The following CSNK2A2IP variants were observed in gnomAD, a reference collection of about 807,000 sequenced individuals.
The protein encoded by CSNK2A2IP is casein kinase 2 subunit alpha' interacting protein.
At chr3:88,411,736 T>A in the CSNK2A2IP span, among the ~76,000 whole-genome samples, 4 of 151,870 alleles carry the variant, frequency 2.6e-5, no homozygotes, top group African/African-American at 9.7e-5. Context: ...ATACTGCTGA[T>A]GAAAATTTAG....
chr3:88,384,437 G>A, the CSNK2A2IP span, among the ~76,000 whole-genome samples: 14 of 152,074 alleles, frequency 9.2e-5, no homozygotes, highest in African/African-American at 3.1e-4. Context: ...TGCCAGCCAT[G>A]GGGATGCAAG....
At chr3:88,422,729 T>C in the CSNK2A2IP span, among the ~76,000 whole-genome samples, 7 of 152,320 alleles carry the variant, frequency 4.6e-5, no homozygotes, top group African/African-American at 1.7e-4. Flanking sequence ...AGTAAATTAC[T>C]AGAAGCCCTA....
At chr3:88,375,875 TC>T in the CSNK2A2IP span, among the ~76,000 whole-genome samples, 14 of 151,676 alleles carry the variant, frequency 9.2e-5, no homozygotes, top group Admixed American at 9.2e-4. Flanking sequence ...TCTGTCCCTT[TC>T]CTATCTCTCC....
chr3:88,422,577 C>CA, the CSNK2A2IP span, among the ~76,000 whole-genome samples: 1 of 152,144 alleles, frequency 6.6e-6, no homozygotes, highest in South Asian at 2.1e-4. Context: ...TAGTTTACTA[C>CA]AAAAATGACA....
At chr3:88,419,571 G>A in the CSNK2A2IP span, among the ~76,000 whole-genome samples, 1 of 152,062 alleles carries the variant, frequency 6.6e-6, no homozygotes, top group African/African-American at 2.4e-5. Context: ...GAACATACAC[G>A]TGCATGTTTC....
At chr3:88,461,746 T>C in the CSNK2A2IP span, among the ~76,000 whole-genome samples, 1 of 152,086 alleles carries the variant, frequency 6.6e-6, no homozygotes, top group Middle Eastern at 3.2e-3. Flanking sequence ...TATCTCTCTG[T>C]TGTTTAAATA....
the CSNK2A2IP span, among the ~76,000 whole-genome samples, chr3:88,446,162 C>T: frequency 6.6e-6 from 1 of 150,456 alleles, no homozygotes; most frequent in African/African-American, 2.5e-5. Flanking sequence ...GGCTGGAGTG[C>T]AATGGCACGA....
the CSNK2A2IP span, among the ~76,000 whole-genome samples, chr3:88,425,757 C>T: frequency 7.2e-5 from 11 of 152,010 alleles, no homozygotes; most frequent in African/African-American, 1.2e-4. Flanking sequence ...CATATTTTGA[C>T]GTATTCCTTA....
the CSNK2A2IP span, among the ~76,000 whole-genome samples, chr3:88,422,377 C>A: frequency 1.3e-5 from 2 of 152,048 alleles, no homozygotes; most frequent in Admixed American, 6.6e-5. Context: ...ATCACAGGGC[C>A]TGGTACATAG....
the CSNK2A2IP span, among the ~76,000 whole-genome samples, chr3:88,425,221 G>T: frequency 2.0e-5 from 3 of 151,850 alleles, no homozygotes; most frequent in African/African-American, 4.8e-5. Flanking sequence ...AAATAATAAG[G>T]TTGACTTATA....
chr3:88,382,029 A>G, the CSNK2A2IP span, among the ~76,000 whole-genome samples: 64 of 152,324 alleles, frequency 4.2e-4, no homozygotes, highest in African/African-American at 1.5e-3. Context: ...ACCACAGGCA[A>G]CCACTTTTAC....
chr3:88,435,387 A>C, the CSNK2A2IP span, among the ~76,000 whole-genome samples: 1 of 152,100 alleles, frequency 6.6e-6, no homozygotes, highest in Admixed American at 6.6e-5. Context: ...TTCTGAGAAA[A>C]ATTTAATTAT....
At chr3:88,414,096 T>C in the CSNK2A2IP span, among the ~76,000 whole-genome samples, 2 of 151,180 alleles carry the variant, frequency 1.3e-5, no homozygotes, top group Admixed American at 1.3e-4. Context: ...TTATAAATAA[T>C]ATTACAGTCT....
At chr3:88,348,809 C>G in the CSNK2A2IP span, among the ~76,000 whole-genome samples, 66,562 of 151,798 alleles carry the variant, frequency 0.44, 15,837 homozygotes, top group South Asian at 0.62. Context: ...ATATGGACAA[C>G]TACAAATCTG....
the CSNK2A2IP span, among the ~76,000 whole-genome samples, chr3:88,429,113 G>A: frequency 6.6e-6 from 1 of 151,454 alleles, no homozygotes; most frequent in South Asian, 2.1e-4. Flanking sequence ...TGGTCCAATG[G>A]CTATTAACCA....
At chr3:88,408,419 A>C in the CSNK2A2IP span, among the ~76,000 whole-genome samples, 2 of 152,192 alleles carry the variant, frequency 1.3e-5, no homozygotes, top group South Asian at 2.1e-4. Flanking sequence ...GATAATATTT[A>C]TCTCTCAATA....
the CSNK2A2IP span, among the ~76,000 whole-genome samples, chr3:88,358,996 T>A: frequency 6.6e-6 from 1 of 151,866 alleles, no homozygotes; most frequent in Non-Finnish European, 1.5e-5. Flanking sequence ...CTTTTTTGTC[T>A]TAAAATCAAT....
At chr3:88,467,315 C>A in the CSNK2A2IP span, 4 of 399,788 alleles carry the variant, frequency 1.0e-5, no homozygotes, top group Non-Finnish European at 1.8e-5. Context: ...TCCTCTTCCT[C>A]TCCTTCCAAA....
At chr3:88,408,972 G>C in the CSNK2A2IP span, among the ~76,000 whole-genome samples, 4 of 152,040 alleles carry the variant, frequency 2.6e-5, no homozygotes, top group East Asian at 5.8e-4. Context: ...CATTGAAAAG[G>C]GGCCCAGGAA....
Sources: gnomAD v4.1 joint callset for allele counts (sites outside exome capture counted in the v4.1 genomes callset) on GRCh38, gnomAD v4.1.1 for gene constraint, MANE v1.5 for transcripts, NCBI Gene and HGNC (gene_info 2026-07-23, HGNC 2026-07-21) for gene names.